Variants in ATP6V0A4 observed in about 807,000 individuals in gnomAD.
ATP6V0A4 encodes V-type proton ATPase 116 kDa subunit a 4.
A neutral mutation model predicts 107.3 loss-of-function variants in ATP6V0A4; 86 were observed. The ratio of observed to expected loss-of-function variants is 0.80; its 90% CI spans 0.67 to 0.96. ATP6V0A4 has a LOEUF of 0.96. Ranked by LOEUF, ATP6V0A4 falls within the 40% of genes least tolerant of loss-of-function variation. The probability of loss-of-function intolerance (pLI) is 0.00; values close to 1 mark genes in which losing one functional copy is unlikely to be tolerated. For missense variants in ATP6V0A4, 908 were observed against 1,045.6 expected, an observed-to-expected ratio of 0.87 and a Z score of 1.81; for synonymous variants, 353 against 381.4, an observed-to-expected ratio of 0.93 and a Z score of 0.87.
intron 15 of ATP6V0A4, among the ~76,000 whole-genome samples, chr7:138,735,545 T>G (rs1805272187): frequency 6.6e-6 from 1 of 152,124 alleles, no homozygotes; most frequent in African/African-American, 2.4e-5. Flanking sequence ...GATCCTTCCT[T>G]TGCAATGTCC....
intron 10 of ATP6V0A4, among the ~76,000 whole-genome samples, chr7:138,755,119 G>A (rs1806443423): frequency 6.6e-6 from 1 of 152,134 alleles, no homozygotes; most frequent in Non-Finnish European, 1.5e-5. Context: ...CAGCGAGGGA[G>A]GCCCAGCTGT....
intron 20 of ATP6V0A4, among the ~76,000 whole-genome samples, chr7:138,714,075 C>CAA (rs35801199): frequency 3.0e-4 from 34 of 112,298 alleles, no homozygotes; most frequent in East Asian, 2.1e-3. Flanking sequence ...CTACCTCTAC[C>CAA]AAAAAAAAAA....
intron 20 of ATP6V0A4, among the ~76,000 whole-genome samples, chr7:138,714,937 T>C (rs1803954727): frequency 6.6e-6 from 1 of 152,244 alleles, no homozygotes; most frequent in Admixed American, 6.5e-5. Flanking sequence ...TATCTGGATA[T>C]GCCCAATGTC....
Position 138,768,495 on chromosome 7 carries a change from AT to A in ATP6V0A4, c.291+284del, listed in dbSNP as rs113896063. 0.11 allele frequency among the ~76,000 whole-genome samples: 17,351 copies of A among 152,032 alleles called. 1,217 individuals are homozygous for A. The highest frequency in any genetic ancestry group is 0.36 in the East Asian group (1,849 of 5,124). On this transcript the variant is annotated intron_variant, in intron 5 of 21. Coordinates refer to ENST00000310018, the MANE Select transcript of ATP6V0A4 (RefSeq NM_020632.3). Reference sequence around the variant, plus strand: ...AGACAAGACCACACTGCCTGTAAGAATCAAACACCCACAAAAGCAATCAACT... The same window carrying A: ...AGACAAGACCACACTGCCTGTAAGAACAAACACCCACAAAAGCAATCAACT...
chr7:138,714,861 A>G (rs1365649305), intron 20 of ATP6V0A4, among the ~76,000 whole-genome samples: 1 of 152,232 alleles, frequency 6.6e-6, no homozygotes, highest in Non-Finnish European at 1.5e-5. Flanking sequence ...ACTATATTAC[A>G]TGGCAACAGT....
rs398006555 is a variant in ATP6V0A4 at position 138,758,739 on chromosome 7, ATTTTTTTTTTT to A, written c.639+1002_639+1012del. 1.7e-4 allele frequency among the ~76,000 whole-genome samples: 10 copies of A among 59,204 alleles called. No homozygotes were observed. In the East Asian group the frequency reaches 3.2e-3, roughly 19 times the overall value. 38.8% of individuals were successfully genotyped at this position (59,204 alleles called of 152,430 possible). ...CCCCACTCAGACCCACTGACTCAGA[ATTTTTTTTTTT>A]TTTTTTTTTTTTTTTTTTTTGAGGG... is the stretch of plus-strand genomic sequence containing the variant. On this transcript the variant is annotated intron_variant, in intron 8 of 21. Transcript: ENST00000310018.
chr7:138,719,366 C>T (rs1051648469), intron 19 of ATP6V0A4, among the ~76,000 whole-genome samples: 4 of 152,050 alleles, frequency 2.6e-5, no homozygotes, highest in Admixed American at 6.6e-5. Flanking sequence ...AAGTTGGGCA[C>T]CTTATAGTTG....
At chr7:138,754,308 C>T (rs1806396869) in intron 10 of ATP6V0A4, among the ~76,000 whole-genome samples, 1 of 151,854 alleles carries the variant, frequency 6.6e-6, no homozygotes, top group African/African-American at 2.4e-5. Flanking sequence ...ATTAGCCAGG[C>T]ATGGTGGCGC....
intron 20 of ATP6V0A4, among the ~76,000 whole-genome samples, chr7:138,714,964 T>G (rs888650709): frequency 6.6e-6 from 1 of 152,104 alleles, no homozygotes; most frequent in African/African-American, 2.4e-5. Flanking sequence ...AGAGTCTTTG[T>G]AAGAGGAAGG....
rs929869884 is a variant in ATP6V0A4 at position 138,773,113 on chromosome 7, A to G, written c.-17-1849T>C. Among the ~76,000 whole-genome samples the G allele has an allele frequency of 6.6e-6, 1 of 152,106 alleles. No homozygotes were observed. The highest frequency in any genetic ancestry group is 1.5e-5 in the Non-Finnish European group (1 of 68,026). On this transcript the variant is annotated intron_variant, in intron 2 of 21. Transcript: ENST00000310018. The surrounding 1 kb of genome is among the most constrained non-coding windows in gnomAD (Gnocchi z 5.4). ...TAATTTTATCACGTACAGAGTATCT[A>G]CTGTGTGCTCGATACTGGGCCTACC...
chr7:138,713,864 G>A (rs1803879973), intron 20 of ATP6V0A4, among the ~76,000 whole-genome samples: 1 of 151,716 alleles, frequency 6.6e-6, no homozygotes, highest in Non-Finnish European at 1.5e-5. Flanking sequence ...ACTTTGGGAG[G>A]CCAAGGCAGG....
At chr7:138,706,779 TGGAA>T in intron 21 of ATP6V0A4, 62 bp from the exon 22 acceptor site, 3 of 1,601,466 alleles carry the variant, frequency 1.9e-6, no homozygotes, top group Non-Finnish European at 2.5e-6. Flanking sequence ...AGTTAGAGGC[TGGAA>T]GGTGGAGGGA....
chr7:138,738,747 TG>T (rs1472637667), intron 15 of ATP6V0A4, among the ~76,000 whole-genome samples: 1 of 152,150 alleles, frequency 6.6e-6, no homozygotes, highest in Non-Finnish European at 1.5e-5. Context: ...TGGGAGAGAC[TG>T]GAAACCAGTT....
intron 2 of ATP6V0A4, 172 bp from the exon 3 acceptor site, chr7:138,771,436 C>G: frequency 1.6e-5 from 3 of 185,516 alleles, no homozygotes; most frequent in Non-Finnish European, 1.8e-5. Flanking sequence ...GGGTCTCACT[C>G]TGTTGCCTGG....
chr7:138,785,753 A>T (rs964250467), intron 2 of ATP6V0A4, among the ~76,000 whole-genome samples: 5 of 152,216 alleles, frequency 3.3e-5, no homozygotes, highest in African/African-American at 1.2e-4. Context: ...GCACACACAC[A>T]CACACAAACA....
intron 14 of ATP6V0A4, among the ~76,000 whole-genome samples, chr7:138,742,149 G>A (rs899768972): frequency 5.9e-5 from 9 of 152,106 alleles, no homozygotes; most frequent in Non-Finnish European, 1.3e-4. Context: ...CATCTCGGCC[G>A]GGCACGGTGG....
intron 14 of ATP6V0A4, among the ~76,000 whole-genome samples, chr7:138,744,208 G>A (rs977670628): frequency 5.4e-5 from 8 of 149,370 alleles, no homozygotes; most frequent in Non-Finnish European, 1.5e-5. Flanking sequence ...CAGGGAGACA[G>A]CATTACAAAA....
chr7:138,760,242 G>A (rs931099692), intron 7 of ATP6V0A4, among the ~76,000 whole-genome samples: 4 of 151,916 alleles, frequency 2.6e-5, no homozygotes, highest in African/African-American at 9.7e-5. Context: ...TCAGGAGTTC[G>A]AGACCAGCCT....
intron 8 of ATP6V0A4, among the ~76,000 whole-genome samples, chr7:138,758,232 A>G (rs2117304363): frequency 6.6e-6 from 1 of 152,210 alleles, no homozygotes; most frequent in Non-Finnish European, 1.5e-5. Flanking sequence ...GAGGGATCTC[A>G]TATTAGGTAA....
Sources: gnomAD v4.1 joint callset for allele counts (sites outside exome capture counted in the v4.1 genomes callset) on GRCh38, gnomAD v4.1.1 for gene constraint, Gnocchi (gnomAD v3.1) non-coding constraint, MANE v1.5 for transcripts, NCBI Gene and HGNC (gene_info 2026-07-23, HGNC 2026-07-21) for gene names.